SDCCAG8: variants seen among roughly 807,000 people sequenced by gnomAD.
SDCCAG8 encodes the protein serologically defined colon cancer antigen 8.
A neutral mutation model predicts 101.8 loss-of-function variants in SDCCAG8; 74 were observed. The ratio of observed to expected loss-of-function variants is 0.73; its 90% confidence interval spans 0.60 to 0.88. The LOEUF (loss-of-function observed/expected upper bound fraction) is 0.88. Among genes scored for constraint, SDCCAG8 ranks in the 40% least tolerant of loss-of-function variants. The probability of loss-of-function intolerance (pLI) is 0.00; values close to 1 mark genes in which losing one functional copy is unlikely to be tolerated. For missense variants in SDCCAG8, 787 were observed against 822.6 expected (o/e 0.96, Z 0.53); for synonymous variants, 281 against 292.9 (o/e 0.96, Z 0.41).
intron 17 of SDCCAG8, among the ~76,000 whole-genome samples, chr1:243,498,412 C>T (rs949511517): frequency 2.6e-5 from 4 of 152,224 alleles, no homozygotes; most frequent in East Asian, 1.9e-4. Flanking sequence ...CCTGGCTCCA[C>T]GGGCCTGGGA....
intron 10 of SDCCAG8, among the ~76,000 whole-genome samples, chr1:243,331,481 G>A (rs2074589228): frequency 6.6e-6 from 1 of 152,192 alleles, no homozygotes; most frequent in African/African-American, 2.4e-5. Flanking sequence ...TGTGCTGTGT[G>A]CAAAGCAATG....
chr1:243,485,376 G>T (rs1204802598), intron 16 of SDCCAG8, among the ~76,000 whole-genome samples: 2 of 152,192 alleles, frequency 1.3e-5, no homozygotes, highest in Non-Finnish European at 2.9e-5. Context: ...GAGCCCAGGG[G>T]CTCAAGGTGT....
intron 17 of SDCCAG8, among the ~76,000 whole-genome samples, chr1:243,493,583 A>G (rs1458188158): frequency 6.6e-6 from 1 of 151,764 alleles, no homozygotes; most frequent in Non-Finnish European, 1.5e-5. Context: ...CAATCTGGGG[A>G]GTGATTCCCT....
chr1:243,448,663 A>G (rs926076686), intron 16 of SDCCAG8, among the ~76,000 whole-genome samples: 2 of 152,154 alleles, frequency 1.3e-5, no homozygotes, highest in African/African-American at 4.8e-5. Context: ...TCTCTGTGTT[A>G]CTCAGCACTT....
At chr1:243,307,501 A>G (rs1194626299) in intron 7 of SDCCAG8, 1 of 984,270 alleles carries the variant, frequency 1.0e-6, no homozygotes, top group African/African-American at 1.7e-5. Flanking sequence ...GTCAAGGATA[A>G]AAATCCATGT....
intron 16 of SDCCAG8, among the ~76,000 whole-genome samples, chr1:243,472,811 G>A (rs1227469524): frequency 1.3e-5 from 2 of 152,152 alleles, no homozygotes; most frequent in Non-Finnish European, 2.9e-5. Context: ...ATGGATTTGT[G>A]ACTCCAGCAA....
At chr1:243,338,258 G>C (rs1308824037) in intron 10 of SDCCAG8, among the ~76,000 whole-genome samples, 1 of 152,110 alleles carries the variant, frequency 6.6e-6, no homozygotes, top group Non-Finnish European at 1.5e-5. Context: ...ACACTGCCTG[G>C]CCCAAGAACA....
rs180806685 is a variant in SDCCAG8, at chr1:243,397,348, A to G, written c.1617-18354A>G. Among the ~76,000 whole-genome samples, 43 of 152,302 alleles carry G rather than the reference A, an allele frequency of 2.8e-4. No individual in the cohort carries two copies. The East Asian group carries it at 5.0e-3, about 18-fold the overall frequency. ...TGACACCATCCAGTATAGATATTTG[A>G]AAGTTGTTTATTTTTTTAAGTTTCT... is the stretch of plus-strand genomic sequence containing the variant. On this transcript the variant is annotated intron_variant, in intron 13 of 17. Transcript: ENST00000366541.
At chr1:243,327,546 A>G (rs971010640) in intron 9 of SDCCAG8, among the ~76,000 whole-genome samples, 22 of 151,204 alleles carry the variant, frequency 1.5e-4, no homozygotes, top group African/African-American at 4.8e-4. Context: ...TGTAGAAATT[A>G]AAATTATAAT....
intron 16 of SDCCAG8, among the ~76,000 whole-genome samples, chr1:243,429,201 C>T (rs2081545142): frequency 6.6e-6 from 1 of 152,192 alleles, no homozygotes; most frequent in African/African-American, 2.4e-5. Context: ...ACATTATAAA[C>T]TTATGGCATC....
chr1:243,355,349 C>CT (rs1331805463), intron 12 of SDCCAG8, among the ~76,000 whole-genome samples: 1 of 151,780 alleles, frequency 6.6e-6, no homozygotes, highest in Non-Finnish European at 1.5e-5. Flanking sequence ...TCTCTGTCCC[C>CT]TACCCTCTCT....
intron 16 of SDCCAG8, among the ~76,000 whole-genome samples, chr1:243,483,171 G>T (rs2148235819): frequency 6.6e-6 from 1 of 152,192 alleles, no homozygotes; most frequent in South Asian, 2.1e-4. Context: ...GTCGCAGGTG[G>T]AGGGCACGGG....
chr1:243,318,678 G>C lies in SDCCAG8; in HGVS notation c.1068+1785G>C, dbSNP rs1159908510. On this transcript the variant is annotated intron_variant, in intron 9 of 17. Transcript: ENST00000366541. ...AACTCCCCAACATACTGTTTCCTCA[G>C]ACTCTCCTGTTTCTTCATTTGTTGT... Among the ~76,000 whole-genome samples, 3 of 152,082 alleles carry C rather than the reference G, an allele frequency of 2.0e-5. 1 individual carries two copies. The highest frequency in any genetic ancestry group is 6.3e-3 in the Middle Eastern group (2 of 316).
chr1:243,422,970 G>T (rs1198689791), intron 15 of SDCCAG8, among the ~76,000 whole-genome samples: 1 of 152,094 alleles, frequency 6.6e-6, no homozygotes. Flanking sequence ...TGCCAGAAAT[G>T]TATCTCCTAA....
intron 16 of SDCCAG8, among the ~76,000 whole-genome samples, chr1:243,438,323 T>C (rs956559660): frequency 1.5e-4 from 23 of 152,224 alleles, no homozygotes; most frequent in African/African-American, 5.3e-4. Flanking sequence ...TATCTACTTT[T>C]ACAGTGGCCA....
At chr1:243,452,863 A>G (rs1182992330) in intron 16 of SDCCAG8, among the ~76,000 whole-genome samples, 1 of 152,206 alleles carries the variant, frequency 6.6e-6, no homozygotes, top group African/African-American at 2.4e-5. Context: ...TGTGCCAGGC[A>G]AGGTTCTAGG....
At chr1:243,471,996 T>C (rs1415989711) in intron 16 of SDCCAG8, among the ~76,000 whole-genome samples, 1 of 152,178 alleles carries the variant, frequency 6.6e-6, no homozygotes, top group Non-Finnish European at 1.5e-5. Context: ...GCCATTCTTA[T>C]TTTGGGAGGC....
intron 13 of SDCCAG8, among the ~76,000 whole-genome samples, chr1:243,382,344 C>T (rs2078008973): frequency 6.6e-6 from 1 of 152,064 alleles, no homozygotes; most frequent in Non-Finnish European, 1.5e-5. Flanking sequence ...AATTGCAACC[C>T]ATGGGTCAAG....
chr1:243,402,169 T>C (rs1235388646), intron 13 of SDCCAG8, among the ~76,000 whole-genome samples: 1 of 152,162 alleles, frequency 6.6e-6, no homozygotes. Flanking sequence ...AGCTCATGTC[T>C]GCAATCCCAA....
Sources: gnomAD v4.1 joint callset for allele counts (sites outside exome capture counted in the v4.1 genomes callset) on GRCh38, gnomAD v4.1.1 for gene constraint, MANE v1.5 for transcripts, NCBI Gene and HGNC (gene_info 2026-07-23, HGNC 2026-07-21) for gene names.